Variants in OTUD1 observed in about 807,000 individuals in gnomAD.
The protein encoded by OTUD1 is OTU deubiquitinase 1.
In OTUD1, 15 loss-of-function variants were observed where a neutral mutation model predicts 30.0. The observed-to-expected ratio is 0.50, with a 90% CI of 0.33 to 0.77. OTUD1 has a LOEUF of 0.77. Ranked by LOEUF, OTUD1 falls within the 30% of genes least tolerant of loss-of-function variation. The pLI is 0.02. For synonymous variants in OTUD1, 381 were observed against 326.3 expected (o/e 1.17, Z -1.81); for missense variants, 796 against 697.8 (o/e 1.14, Z -1.59).
In OTUD1 at chr10:23,442,049, A is replaced by C. The variant is rs1273581187; in HGVS notation, c.*1146A>C. 2 of 166,996 alleles carry C rather than the reference A, an allele frequency of 1.2e-5. No individual in the cohort carries two copies. Among genetic ancestry groups the C allele is most frequent in the African/African-American group, 4.8e-5 (2 of 41,468 alleles). 10.3% of individuals were successfully genotyped at this position (166,996 alleles called of 1,614,324 possible). A position where few individuals can be genotyped will look rare whatever the true frequency, so the allele number is the denominator to read the frequency against. ...TTAACTACTTTTAGTCATATTTATT[A>C]AGTAATGCAGTTTGTACTTTTTTTA... is the stretch of plus-strand genomic sequence containing the variant. On this transcript the variant is annotated 3_prime_UTR_variant, in exon 1 of 1. Transcript: ENST00000376495.
Position 23,439,838 on chromosome 10 carries a change from C to G in OTUD1, c.381C>G (p.His127Gln). 8.9e-7 allele frequency: 1 copy of G among 1,121,910 alleles called. No individual in the cohort carries two copies. The highest frequency in any genetic ancestry group is 1.1e-6 in the Non-Finnish European group (1 of 920,586). The allele number at this position is 1,121,910 out of a possible 1,614,324, so 69.5% of individuals were successfully genotyped here. The stretch of plus-strand genomic sequence containing the variant: ...TGGGCGCCGACAGGCTCCTGCTGCA[C>G]GGGCCCGATCCCGTTCCCGGCGCCG... ...RALGADRLLL[H>Q]GPDPVPGAAG... is the part of the protein sequence containing the mutation. The change falls in exon 1 of 1, where the codon CAC becomes CAG. Residue 127 changes from histidine to glutamine, a missense_variant. Transcript: ENST00000376495.
rs528028626 is a variant in OTUD1, at chr10:23,442,040, A to G, written c.*1137A>G. 1.2e-5 allele frequency: 2 copies of G among 167,096 alleles called. No homozygotes were observed. The highest frequency in any genetic ancestry group is 2.1e-4 in the South Asian group (1 of 4,832). 10.4% of individuals were successfully genotyped at this position (167,096 alleles called of 1,614,324 possible). A position where few individuals can be genotyped will look rare whatever the true frequency, so the allele number is the denominator to read the frequency against. On this transcript the variant is annotated 3_prime_UTR_variant, in exon 1 of 1. Coordinates refer to ENST00000376495, the MANE Select transcript of OTUD1 (RefSeq NM_001145373.3). ...ATTGCCACTTTAACTACTTTTAGTC[A>G]TATTTATTAAGTAATGCAGTTTGTA... is the stretch of plus-strand genomic sequence containing the variant.
In OTUD1 at chr10:23,440,531, T is replaced by G. The variant is rs1265222119; in HGVS notation, c.1074T>G (p.Ile358Met). Residue 358 changes from isoleucine (I) to methionine (M), a missense_variant, in exon 1 of 1, where the codon ATT (isoleucine) becomes ATG (methionine). Ile to Met is a conservative substitution (Grantham distance 10). Transcript: ENST00000376495. Reference protein sequence around the residue: ...ADHLDHFSPLIEGDVGEFIIA... With the variant: ...ADHLDHFSPLMEGDVGEFIIA... ...ATCTCGACCACTTCAGCCCCCTGAT[T>G]GAGGGCGACGTGGGGGAGTTTATCA... 1 of 1,551,584 alleles carries G rather than the reference T, an allele frequency of 6.4e-7. No homozygotes were observed. Among genetic ancestry groups the G allele is most frequent in the Non-Finnish European group, 8.7e-7 (1 of 1,147,012 alleles).
At position 23,439,757 on chromosome 10, in the gene OTUD1, C is replaced by G; in HGVS notation, c.300C>G (p.Cys100Trp). 1 of 1,159,302 alleles carries G rather than the reference C, an allele frequency of 8.6e-7. No homozygotes were observed. The allele number at this position is 1,159,302 out of a possible 1,614,324, so 71.8% of individuals were successfully genotyped here. A position where few individuals can be genotyped will look rare whatever the true frequency, so the allele number is the denominator to read the frequency against. ...CCGCCGGCCCGCCCGGCGCGTCCTG[C>G]AAGCCGCCGCTGCCGCCGCACTACA... Reference protein sequence around the residue: ...SAAAGPPGASCKPPLPPHYTS... With the variant: ...SAAAGPPGASWKPPLPPHYTS... Residue 100 changes from cysteine (C) to tryptophan (W), a missense_variant, in exon 1 of 1, where the codon TGC (cysteine) becomes TGG (tryptophan). Cys to Trp is a radical substitution (Grantham distance 215). Transcript: ENST00000376495.
At position 23,442,259 on chromosome 10, in the gene OTUD1, T is replaced by C. The variant is rs1847138235; in HGVS notation, c.*1356T>C. The C allele has an allele frequency of 6.0e-6, 1 of 167,062 alleles. No homozygotes were observed. Among genetic ancestry groups the C allele is most frequent in the South Asian group, 2.1e-4 (1 of 4,828 alleles). 10.3% of individuals were successfully genotyped at this position (167,062 alleles called of 1,614,324 possible). A position where few individuals can be genotyped will look rare whatever the true frequency, so the allele number is the denominator to read the frequency against. ...GCATGTATGCATGTACACAATTTTTTTTTTCCATAAAGATGCCACAGCAAT... is the reference window on the plus strand; with the variant it reads ...GCATGTATGCATGTACACAATTTTTCTTTTCCATAAAGATGCCACAGCAAT... On this transcript the variant is annotated 3_prime_UTR_variant, in exon 1 of 1. Transcript: ENST00000376495.
rs1212113279 is a variant in OTUD1 at position 23,439,598 on chromosome 10, G to C, written c.141G>C (p.Glu47Asp). ...CGGGAGCCGCCGGCGCCGCGCCCGAGCCCGAGACCGGTGAGTGCCAGCCCG... is the reference window on the plus strand; with the variant it reads ...CGGGAGCCGCCGGCGCCGCGCCCGACCCCGAGACCGGTGAGTGCCAGCCCG... ...QPPGAAGAAP[E>D]PETGECQPAA... is the part of the protein sequence containing the mutation. Residue 47 changes from glutamate (E) to aspartate (D), a missense_variant, in exon 1 of 1, where the codon GAG becomes GAC. Physicochemically the swap from Glu to Asp is conservative, Grantham distance 45. Coordinates refer to ENST00000376495, the MANE Select transcript of OTUD1 (RefSeq NM_001145373.3). 7.3e-6 allele frequency: 10 copies of C among 1,364,676 alleles called. No homozygotes were observed. The highest frequency in any genetic ancestry group is 9.5e-6 in the Non-Finnish European group (10 of 1,054,064). The allele number at this position is 1,364,676 out of a possible 1,614,324, so 84.5% of individuals were successfully genotyped here. A position where few individuals can be genotyped will look rare whatever the true frequency, so the allele number is the denominator to read the frequency against.
In OTUD1 at chr10:23,439,562, G is replaced by T; in HGVS notation, c.105G>T (p.Ser35=). The change falls in exon 1 of 1, where the codon TCG becomes TCT. Residue 35 remains serine, a synonymous_variant. Coordinates refer to ENST00000376495, the MANE Select transcript of OTUD1 (RefSeq NM_001145373.3). ...PPAAATPFKV[S]LQPPGAAGAA... ...CCGCCGCTACCCCCTTCAAGGTCTC[G>T]CTGCAGCCCCCGGGAGCCGCCGGCG... 3 of 1,382,038 alleles carry T rather than the reference G, an allele frequency of 2.2e-6. No individual in the cohort carries two copies. Among genetic ancestry groups the T allele is most frequent in the East Asian group, 6.5e-5 (2 of 30,536 alleles). 85.6% of individuals were successfully genotyped at this position (1,382,038 alleles called of 1,614,324 possible).
Position 23,439,699 on chromosome 10 carries a change from TG to T in OTUD1, c.244del (p.Val82CysfsTer114). ...CCCGCCTTCTCCTCCTGCTTCGAGG[TG>T]GTGTCCGGGGCCGCCGCGCCCGCCT... ...KMPAFSSCFEVVSGAAAPASA... is the reference protein window; with the variant it reads ...KMPAFSSCFEXVSGAAAPASA... On this transcript the variant is annotated frameshift_variant, in exon 1 of 1. Transcript: ENST00000376495. LOFTEE classifies it high-confidence loss of function. 2 of 1,251,796 alleles carry T rather than the reference TG, an allele frequency of 1.6e-6. No individual in the cohort carries two copies. Among genetic ancestry groups the T allele is most frequent in the Non-Finnish European group, 2.0e-6 (2 of 992,842 alleles). The allele number at this position is 1,251,796 out of a possible 1,614,324, so 77.5% of individuals were successfully genotyped here.
Position 23,440,231 on chromosome 10 carries a change from G to A in OTUD1, c.774G>A (p.Glu258=). The change falls in exon 1 of 1, where the codon GAG becomes GAA. Residue 258 remains glutamate (E), a synonymous_variant. Transcript: ENST00000376495. ...GGDAARRPDP[E]AEAPPAGSIE... Reference sequence around the variant, plus strand: ...ACGCGGCGCGGAGGCCCGACCCAGAGGCCGAGGCACCCCCCGCCGGGAGCA... The same window carrying A: ...ACGCGGCGCGGAGGCCCGACCCAGAAGCCGAGGCACCCCCCGCCGGGAGCA... The A allele has an allele frequency of 3.3e-6, 5 of 1,536,916 alleles. No homozygotes were observed. The highest frequency in any genetic ancestry group is 1.8e-6 in the Non-Finnish European group (2 of 1,137,822).
Position 23,439,439 on chromosome 10 carries a change from C to A in OTUD1, c.-19C>A. The A allele has an allele frequency of 7.8e-7, 1 of 1,275,240 alleles. No individual in the cohort carries two copies. The highest frequency in any genetic ancestry group is 9.9e-7 in the Non-Finnish European group (1 of 1,013,086). The allele number at this position is 1,275,240 out of a possible 1,614,324, so 79.0% of individuals were successfully genotyped here. ...CGGGGCTCGCCGCGCCTATAAGGGG[C>A]CGAGCGGCGGGCAGGGACATGCAGC... On this transcript the variant is annotated 5_prime_UTR_variant, in exon 1 of 1. Coordinates refer to ENST00000376495, the MANE Select transcript of OTUD1 (RefSeq NM_001145373.3).
In OTUD1 at chr10:23,439,154, G is replaced by A. The variant is rs1847096874; in HGVS notation, c.-304G>A. Among the ~76,000 whole-genome samples the A allele has an allele frequency of 6.6e-6, 1 of 151,096 alleles. No homozygotes were observed. The highest frequency in any genetic ancestry group is 1.5e-5 in the Non-Finnish European group (1 of 67,664). Reference sequence around the variant, plus strand: ...CGGCTTCCTCCGTGAGTCCCCAGCGGCCGCCGCGGGCCGAAGCAGCTGCAG... The same window carrying A: ...CGGCTTCCTCCGTGAGTCCCCAGCGACCGCCGCGGGCCGAAGCAGCTGCAG... On this transcript the variant is annotated 5_prime_UTR_variant, in exon 1 of 1. Transcript: ENST00000376495.
rs1744119796 is a variant in OTUD1, at chr10:23,439,991, G to T, written c.534G>T (p.Glu178Asp). ...AGCTGCTGCGGCCCGACTGCCCCGA[G>T]CCCGCGGGCTTGGACGCGACACGGG... ...LEELLRPDCP[E>D]PAGLDATREG... The change falls in exon 1 of 1, where the codon GAG becomes GAT. Residue 178 changes from glutamate (E) to aspartate (D), a missense_variant. By Grantham distance (45) the Glu-to-Asp change is conservative. Coordinates refer to ENST00000376495, the MANE Select transcript of OTUD1 (RefSeq NM_001145373.3). The T allele has an allele frequency of 2.9e-6, 4 of 1,368,228 alleles. No individual in the cohort carries two copies. Among genetic ancestry groups the T allele is most frequent in the East Asian group, 3.1e-5 (1 of 32,152 alleles). 84.8% of individuals were successfully genotyped at this position (1,368,228 alleles called of 1,614,324 possible).
rs1301822689 is a variant in OTUD1, at chr10:23,440,259, G to C, written c.802G>C (p.Glu268Gln). 4 of 1,544,124 alleles carry C rather than the reference G, an allele frequency of 2.6e-6. No homozygotes were observed. The highest frequency in any genetic ancestry group is 3.5e-6 in the Non-Finnish European group (4 of 1,142,190). Residue 268 changes from glutamate to glutamine, a missense_variant, in exon 1 of 1, where the codon GAG becomes CAG. Coordinates refer to ENST00000376495, the MANE Select transcript of OTUD1 (RefSeq NM_001145373.3). ...EAEAPPAGSI[E>Q]AAPSSAAEPV... is the part of the protein sequence containing the mutation. Reference sequence around the variant, plus strand: ...CGAGGCACCCCCCGCCGGGAGCATCGAGGCCGCCCCGAGTAGTGCGGCGGA... The same window carrying C: ...CGAGGCACCCCCCGCCGGGAGCATCCAGGCCGCCCCGAGTAGTGCGGCGGA...
In OTUD1 at chr10:23,440,757, G is replaced by C; in HGVS notation, c.1300G>C (p.Ala434Pro). The change falls in exon 1 of 1, where the codon GCT (alanine) becomes CCT (proline). Residue 434 changes from alanine (A) to proline (P), a missense_variant. Coordinates refer to ENST00000376495, the MANE Select transcript of OTUD1 (RefSeq NM_001145373.3). ...TTGGCTCAGTAACGGACACTATGAT[G>C]CTGTATTTGATCACTCCTATCCTAA... is the stretch of plus-strand genomic sequence containing the variant. The part of the protein sequence containing the change: ...LSWLSNGHYD[A>P]VFDHSYPNPE... 6.4e-7 allele frequency: 1 copy of C among 1,552,142 alleles called. No individual in the cohort carries two copies. The highest frequency in any genetic ancestry group is 8.7e-7 in the Non-Finnish European group (1 of 1,147,088).
In OTUD1 at chr10:23,440,211, G is replaced by A; in HGVS notation, c.754G>A (p.Ala252Thr). Reference protein sequence around the residue: ...DRCDAPGGDAARRPDPEAEAP... With the variant: ...DRCDAPGGDATRRPDPEAEAP... ...CTGCGACGCGCCCGGTGGGGACGCG[G>A]CGCGGAGGCCCGACCCAGAGGCCGA... is the stretch of plus-strand genomic sequence containing the variant. The change falls in exon 1 of 1, where the codon GCG becomes ACG. Residue 252 changes from alanine to threonine, a missense_variant. By Grantham distance (58) the Ala-to-Thr change is moderately conservative. Coordinates refer to ENST00000376495, the MANE Select transcript of OTUD1 (RefSeq NM_001145373.3). 1 of 1,494,436 alleles carries A rather than the reference G, an allele frequency of 6.7e-7. No homozygotes were observed. Among genetic ancestry groups the A allele is most frequent in the Non-Finnish European group, 8.9e-7 (1 of 1,120,978 alleles). The allele number at this position is 1,494,436 out of a possible 1,614,324, so 92.6% of individuals were successfully genotyped here.
Position 23,440,080 on chromosome 10 carries a change from G to T in OTUD1, c.623G>T (p.Arg208Leu). The T allele has an allele frequency of 6.9e-7, 1 of 1,440,668 alleles. No homozygotes were observed. The highest frequency in any genetic ancestry group is 9.1e-7 in the Non-Finnish European group (1 of 1,104,526). The allele number at this position is 1,440,668 out of a possible 1,614,324, so 89.2% of individuals were successfully genotyped here. Residue 208 changes from arginine (R) to leucine (L), a missense_variant, in exon 1 of 1, where the codon CGA becomes CTA. Transcript: ENST00000376495. ...CAGGCCCTGGCCGCCGCCAAGCACC[G>T]AGGCCCCGCGGCGACCCCGGGGAGC... ...HRQALAAAKHRGPAATPGSPD... is the reference protein window; with the variant it reads ...HRQALAAAKHLGPAATPGSPD...
Position 23,439,398 on chromosome 10 carries a change from GGT to G in OTUD1, c.-55_-54del. 1 of 1,220,364 alleles carries G rather than the reference GGT, an allele frequency of 8.2e-7. No individual in the cohort carries two copies. The highest frequency in any genetic ancestry group is 1.0e-6 in the Non-Finnish European group (1 of 979,114). 75.6% of individuals were successfully genotyped at this position (1,220,364 alleles called of 1,614,324 possible). ...CCGGCCCCCTCCCCCGGGCCCGGAG[GGT>G]GTGTCCCCCGCTCCGGGGCTCGCCG... On this transcript the variant is annotated 5_prime_UTR_variant, in exon 1 of 1. Coordinates refer to ENST00000376495, the MANE Select transcript of OTUD1 (RefSeq NM_001145373.3).
rs1183734222 is a variant in OTUD1 at position 23,439,105 on chromosome 10, C to T, written c.-353C>T. Among the ~76,000 whole-genome samples the T allele has an allele frequency of 4.0e-5, 6 of 150,674 alleles. No individual in the cohort carries two copies. The highest frequency in any genetic ancestry group is 7.4e-5 in the Non-Finnish European group (5 of 67,464). On this transcript the variant is annotated 5_prime_UTR_variant, in exon 1 of 1. Coordinates refer to ENST00000376495, the MANE Select transcript of OTUD1 (RefSeq NM_001145373.3). ...CGCGCACCGCGCTCCTCCTCGCCGG[C>T]GGGACGCGCTCCAACGGGGCGGGCG...
At position 23,440,430 on chromosome 10, in the gene OTUD1, G is replaced by T; in HGVS notation, c.973G>T (p.Val325Phe). ...IPDGNCLYRA[V>F]SKTVYGDQSL... The stretch of plus-strand genomic sequence containing the variant: ...AGACGGCAACTGCCTCTACCGAGCT[G>T]TCAGCAAGACGGTGTATGGGGACCA... The change falls in exon 1 of 1, where the codon GTC becomes TTC. Residue 325 changes from valine (V) to phenylalanine (F), a missense_variant. By Grantham distance (50) the Val-to-Phe change is conservative. Transcript: ENST00000376495. The T allele has an allele frequency of 6.4e-7, 1 of 1,551,738 alleles. No individual in the cohort carries two copies. Among genetic ancestry groups the T allele is most frequent in the Non-Finnish European group, 8.7e-7 (1 of 1,147,006 alleles).
Sources: allele counts gnomAD v4.1 joint callset (sites outside exome capture counted in the v4.1 genomes callset), GRCh38; gene constraint gnomAD v4.1.1; transcripts MANE v1.5; gene names NCBI Gene and HGNC (gene_info 2026-07-23, HGNC 2026-07-21).